Variants in ACAD8 observed in about 807,000 individuals in gnomAD.
The protein encoded by ACAD8 is isobutyryl-CoA dehydrogenase, mitochondrial.
ACAD8 carries 47 observed loss-of-function variants against 53.1 expected under a neutral mutation model. The ratio of observed to expected loss-of-function variants is 0.89; its 90% confidence interval spans 0.70 to 1.13. The LOEUF (loss-of-function observed/expected upper bound fraction) is 1.13. ACAD8 is among the 50% of genes most tolerant of loss of function. ACAD8 has a pLI of 0.00. For synonymous variants in ACAD8, 198 were observed against 201.3 expected (o/e 0.98, Z 0.14); for missense variants, 494 against 535.0 (o/e 0.92, Z 0.76).
Position 134,261,396 on chromosome 11 carries a change from T to C in ACAD8, c.939+24T>C. 6.2e-7 allele frequency: 1 copy of C among 1,611,050 alleles called. No individual in the cohort carries two copies. Among genetic ancestry groups the C allele is most frequent in the Non-Finnish European group, 8.5e-7 (1 of 1,177,168 alleles). On this transcript the variant is annotated intron_variant, in intron 8 of 10. Transcript: ENST00000281182. This position sits in a 1 kb window ranked among gnomAD's most constrained non-coding sequence, Gnocchi z 4.2. ...AGGTAACCTCTGCCTTGCCTCCACA[T>C]GGCTTTGCACTATTTGCAGCCCGGG... is the stretch of plus-strand genomic sequence containing the variant.
chr11:134,253,650 C>T lies in ACAD8; in HGVS notation c.50C>T (p.Pro17Leu). ...TTCGGGGCGCGCCTCGGCTGCCTGCCCGGCGGTCTCCGGGTCCTCGTCCAG... is the reference window on the plus strand; with the variant it reads ...TTCGGGGCGCGCCTCGGCTGCCTGCTCGGCGGTCTCCGGGTCCTCGTCCAG... ...RRFGARLGCLPGGLRVLVQTG... is the reference protein window; with the variant it reads ...RRFGARLGCLLGGLRVLVQTG... Residue 17 changes from proline to leucine, a missense_variant, in exon 1 of 11, where the codon CCC becomes CTC. Physicochemically the swap from Pro to Leu is moderately conservative, Grantham distance 98. Coordinates refer to ENST00000281182, the MANE Select transcript of ACAD8 (RefSeq NM_014384.3). The T allele has an allele frequency of 5.6e-6, 9 of 1,595,032 alleles. No individual in the cohort carries two copies. The highest frequency in any genetic ancestry group is 6.8e-6 in the Non-Finnish European group (8 of 1,172,756).
chr11:134,261,869 T>C lies in ACAD8; in HGVS notation c.1071T>C (p.Phe357=), dbSNP rs1276967640. The stretch of plus-strand genomic sequence containing the variant: ...CCTTGTGCTCCATGGCCAAGCTCTT[T>C]GCTACAGATGAATGCTTTGCCGTAA... ...AVALCSMAKL[F]ATDECFAICN... is the part of the protein sequence containing the mutation. Residue 357 remains phenylalanine (F), a synonymous_variant, in exon 9 of 11, where the codon TTT becomes TTC. Coordinates refer to ENST00000281182, the MANE Select transcript of ACAD8 (RefSeq NM_014384.3). The surrounding 1 kb of genome is among the most constrained non-coding windows in gnomAD (Gnocchi z 4.2). 1 of 1,614,042 alleles carries C rather than the reference T, an allele frequency of 6.2e-7. No individual in the cohort carries two copies. The highest frequency in any genetic ancestry group is 1.1e-5 in the South Asian group (1 of 91,080).
At chr11:134,254,055 C>T (rs1939316475) in intron 1 of ACAD8, among the ~76,000 whole-genome samples, 1 of 150,998 alleles carries the variant, frequency 6.6e-6, no homozygotes, top group African/African-American at 2.4e-5. Context: ...GGTCATCCCC[C>T]CGCAGGTTCC....
chr11:134,262,214 AG>A (rs1380639663), intron 9 of ACAD8: 1 of 646,788 alleles, frequency 1.5e-6, no homozygotes, highest in Admixed American at 2.1e-5. Flanking sequence ...CATTGCCACT[AG>A]GGGGAACCAT....
chr11:134,262,908 G>A, intron 10 of ACAD8: 1 of 1,328,288 alleles, frequency 7.5e-7, no homozygotes. Flanking sequence ...AAAGCATGTT[G>A]AAAACCACAG....
rs776214300 is a variant in ACAD8 at position 134,259,589 on chromosome 11, AC to A, written c.568-15del. 2.5e-6 allele frequency: 4 copies of A among 1,613,706 alleles called. No individual in the cohort carries two copies. The highest frequency in any genetic ancestry group is 8.5e-7 in the Non-Finnish European group (1 of 1,179,936). On this transcript the variant is annotated intron_variant, in intron 5 of 10. Transcript: ENST00000281182. ...CTCAAGCATTCCCTGGTCCTTTTGC[AC>A]CCCTTTTACCCCCACAGGCCTTCAT...
rs113488591 is a variant in ACAD8, at chr11:134,259,029, C to G, written c.512C>G (p.Ser171Cys). 0.021 allele frequency: 33,862 copies of G among 1,613,960 alleles called. 407 individuals are homozygous for G. The highest frequency in any genetic ancestry group is 0.025 in the Non-Finnish European group (30,053 of 1,179,832). The stretch of plus-strand genomic sequence containing the variant: ...TCAGGAAGTGGGAGTGATGCTGCCT[C>G]TCTTCTGACCTCCGCTAAGAAACAG... The part of the protein sequence containing the change: ...TEPGSGSDAA[S>C]LLTSAKKQGD... The change falls in exon 5 of 11, where the codon TCT becomes TGT. Residue 171 changes from serine (S) to cysteine (C), a missense_variant. By Grantham distance (112) the Ser-to-Cys change is moderately radical. Transcript: ENST00000281182.
intron 3 of ACAD8, chr11:134,258,139 C>G (rs139607780): frequency 3.0e-6 from 1 of 337,460 alleles, no homozygotes; most frequent in Non-Finnish European, 5.8e-6. Flanking sequence ...TGTGAGCCAC[C>G]GCACCCGGCC....
chr11:134,256,448 A>C lies in ACAD8; in HGVS notation c.110-100A>C, dbSNP rs1939530829. On this transcript the variant is annotated intron_variant, in intron 1 of 10. Coordinates refer to ENST00000281182, the MANE Select transcript of ACAD8 (RefSeq NM_014384.3). ...CTATACCGTGTATGGGAAATACTAC[A>C]GTAGATCCACTTTCACAACTTCGTG... 4 of 882,858 alleles carry C rather than the reference A, an allele frequency of 4.5e-6. No individual in the cohort carries two copies. The South Asian group carries it at 5.5e-5, about 12-fold the overall frequency. 54.7% of individuals were successfully genotyped at this position (882,858 alleles called of 1,614,324 possible).
At chr11:134,260,069 C>T (rs983426455) in intron 6 of ACAD8, 20 of 1,211,380 alleles carry the variant, frequency 1.7e-5, no homozygotes, top group Non-Finnish European at 2.1e-5. Context: ...GGAAGAGACG[C>T]TTAGAGAAGA....
intron 1 of ACAD8, among the ~76,000 whole-genome samples, chr11:134,256,099 G>A (rs1450203878): frequency 3.9e-5 from 6 of 152,224 alleles, no homozygotes; most frequent in Non-Finnish European, 7.3e-5. Context: ...TAGAGGCGGG[G>A]TTTTTCCATG....
At chr11:134,255,766 A>G (rs1939493716) in intron 1 of ACAD8, among the ~76,000 whole-genome samples, 1 of 152,216 alleles carries the variant, frequency 6.6e-6, no homozygotes, top group African/African-American at 2.4e-5. Flanking sequence ...ATAGCCAGCC[A>G]TTACTGATGC....
At chr11:134,264,163 G>C (rs1038763114) in intron 10 of ACAD8, 5 of 524,052 alleles carry the variant, frequency 9.5e-6, no homozygotes, top group South Asian at 1.6e-4. Flanking sequence ...TGGCCAACCC[G>C]GTGAAGCCCC....
intron 5 of ACAD8, chr11:134,259,322 T>TTG: frequency 4.5e-6 from 3 of 670,792 alleles, no homozygotes; most frequent in Non-Finnish European, 8.0e-6. Context: ...ACTGCCTCTC[T>TTG]GATCTGCAGT....
In ACAD8 at chr11:134,261,521, C is replaced by T; in HGVS notation, c.939+149C>T. ...GAGCTTGTGCTTTATTTCTGTCCAT[C>T]TTTTCTTGGGATATCTTTAACGATA... is the stretch of plus-strand genomic sequence containing the variant. On this transcript the variant is annotated intron_variant, in intron 8 of 10. Transcript: ENST00000281182. This position sits in a 1 kb window ranked among gnomAD's most constrained non-coding sequence, Gnocchi z 4.2. The T allele has an allele frequency of 6.6e-7, 1 of 1,509,732 alleles. No homozygotes were observed. Among genetic ancestry groups the T allele is most frequent in the East Asian group, 2.4e-5 (1 of 41,664 alleles). The allele number at this position is 1,509,732 out of a possible 1,614,324, so 93.5% of individuals were successfully genotyped here.
chr11:134,261,832 A>C lies in ACAD8; in HGVS notation c.1034A>C (p.Lys345Thr). 1 of 1,614,196 alleles carries C rather than the reference A, an allele frequency of 6.2e-7. No individual in the cohort carries two copies. Among genetic ancestry groups the C allele is most frequent in the Non-Finnish European group, 8.5e-7 (1 of 1,180,028 alleles). Reference sequence around the variant, plus strand: ...GCAGTGGCTCTGCAGGAGGAGAGGAAGGATGCAGTGGCCTTGTGCTCCATG... The same window carrying C: ...GCAGTGGCTCTGCAGGAGGAGAGGACGGATGCAGTGGCCTTGTGCTCCATG... ...NAAVALQEER[K>T]DAVALCSMAK... Residue 345 changes from lysine (K) to threonine (T), a missense_variant, in exon 9 of 11, where the codon AAG (lysine) becomes ACG (threonine). Lys to Thr is a moderately conservative substitution (Grantham distance 78). Transcript: ENST00000281182. This position sits in a 1 kb window ranked among gnomAD's most constrained non-coding sequence, Gnocchi z 4.2.
Position 134,263,312 on chromosome 11 carries a change from G to A in ACAD8, c.1195+690G>A, listed in dbSNP as rs956436591. 17 of 999,890 alleles carry A rather than the reference G, an allele frequency of 1.7e-5. No individual in the cohort carries two copies. The South Asian group carries it at 6.9e-4, about 40-fold the overall frequency. The allele number at this position is 999,890 out of a possible 1,614,324, so 61.9% of individuals were successfully genotyped here. A position where few individuals can be genotyped will look rare whatever the true frequency, so the allele number is the denominator to read the frequency against. ...TGCCTTGCTGGAAACATTATATAAT[G>A]GGGCTTCCCTGCCCCTTTCACAGCA... On this transcript the variant is annotated intron_variant, in intron 10 of 10. Coordinates refer to ENST00000281182, the MANE Select transcript of ACAD8 (RefSeq NM_014384.3).
intron 5 of ACAD8, 156 bp downstream of exon 5, chr11:134,259,240 T>C: frequency 1.3e-6 from 1 of 744,592 alleles, no homozygotes; most frequent in Non-Finnish European, 2.4e-6. Flanking sequence ...TTATTCTCAC[T>C]GTTTGTATCT....
chr11:134,261,087 A>G lies in ACAD8; in HGVS notation c.749A>G (p.Asp250Gly), dbSNP rs776832750. 1 of 1,612,344 alleles carries G rather than the reference A, an allele frequency of 6.2e-7. No homozygotes were observed. The change falls in exon 7 of 11, where the codon GAC becomes GGC. Residue 250 changes from aspartate (D) to glycine (G), a missense_variant. Asp to Gly is a moderately conservative substitution (Grantham distance 94, BLOSUM62 -1). Transcript: ENST00000281182. This position sits in a 1 kb window ranked among gnomAD's most constrained non-coding sequence, Gnocchi z 4.2. ...CCAACACGAGCTGTGATCTTCGAAG[A>G]CTGTGCTGTCCCTGTGGCCAACAGA... Reference protein sequence around the residue: ...SQPTRAVIFEDCAVPVANRIG... With the variant: ...SQPTRAVIFEGCAVPVANRIG...
Sources: gnomAD v4.1 joint callset for allele counts (sites outside exome capture counted in the v4.1 genomes callset) on GRCh38, gnomAD v4.1.1 for gene constraint, Gnocchi (gnomAD v3.1) non-coding constraint, MANE v1.5 for transcripts, NCBI Gene and HGNC (gene_info 2026-07-23, HGNC 2026-07-21) for gene names.